PRKN: variants seen among roughly 807,000 people sequenced by gnomAD.
PRKN encodes the protein E3 ubiquitin-protein ligase parkin.
PRKN carries 56 observed loss-of-function variants against 59.5 expected under a neutral mutation model. The ratio of observed to expected loss-of-function variants is 0.94; its 90% CI spans 0.76 to 1.18. The LOEUF (loss-of-function observed/expected upper bound fraction) is 1.18. Ranked by LOEUF, PRKN falls within the 50% of genes most tolerant of loss-of-function variation. PRKN has a pLI of 0.00. For synonymous variants in PRKN, 250 were observed against 222.1 expected, an observed-to-expected ratio of 1.13 and a Z score of -1.12; for missense variants, 657 against 596.4, an observed-to-expected ratio of 1.10 and a Z score of -1.06.
intron 3 of PRKN, among the ~76,000 whole-genome samples, chr6:162,256,690 T>A (rs1779651455): frequency 6.6e-6 from 1 of 152,152 alleles, no homozygotes; most frequent in South Asian, 2.1e-4. Context: ...ATGATTTGCT[T>A]CACTGGCCAT....
Position 161,460,250 on chromosome 6 carries a change from T to G in PRKN, c.1084-73373A>C, listed in dbSNP as rs996252933. Among the ~76,000 whole-genome samples, 1 of 152,214 alleles carries G rather than the reference T, an allele frequency of 6.6e-6. No individual in the cohort carries two copies. Among genetic ancestry groups the G allele is most frequent in the African/African-American group, 2.4e-5 (1 of 41,454 alleles). ...AGGTTGCAACAAAAGATTATTTTAT[T>G]TAATTCTTGTTGATGGGCACCGTGT... is the stretch of plus-strand genomic sequence containing the variant. On this transcript the variant is annotated intron_variant, in intron 9 of 11. Coordinates refer to ENST00000366898, the MANE Select transcript of PRKN (RefSeq NM_004562.3). This position sits in a 1 kb window ranked among gnomAD's most constrained non-coding sequence, Gnocchi z 5.0.
chr6:162,382,477 A>G (rs1786542092), intron 2 of PRKN, among the ~76,000 whole-genome samples: 1 of 152,228 alleles, frequency 6.6e-6, no homozygotes, highest in African/African-American at 2.4e-5. Context: ...TAGTCTATTA[A>G]GCGTATAATA....
chr6:162,628,672 A>T (rs1216359203), intron 1 of PRKN, among the ~76,000 whole-genome samples: 4 of 152,190 alleles, frequency 2.6e-5, no homozygotes, highest in African/African-American at 9.6e-5. Flanking sequence ...GAAAAAAAAT[A>T]TTCAGAGTGC....
intron 2 of PRKN, among the ~76,000 whole-genome samples, chr6:162,417,047 T>A (rs1377832819): frequency 6.6e-6 from 1 of 152,180 alleles, no homozygotes; most frequent in Non-Finnish European, 1.5e-5. Context: ...GAGAGACATG[T>A]GCATAATTTG....
At chr6:162,181,096 C>T (rs906990282) in intron 4 of PRKN, among the ~76,000 whole-genome samples, 1 of 152,198 alleles carries the variant, frequency 6.6e-6, no homozygotes, top group East Asian at 1.9e-4. Context: ...CATAACAATA[C>T]AAGCAAGTGA....
At chr6:161,804,971 GC>G (rs1791245698) in intron 6 of PRKN, among the ~76,000 whole-genome samples, 1 of 152,150 alleles carries the variant, frequency 6.6e-6, no homozygotes, top group Non-Finnish European at 1.5e-5. Flanking sequence ...TAAATAACTT[GC>G]CAAAGGTGAC....
At chr6:162,201,896 G>T (rs1184645321) in intron 3 of PRKN, among the ~76,000 whole-genome samples, 1 of 152,132 alleles carries the variant, frequency 6.6e-6, no homozygotes, top group Non-Finnish European at 1.5e-5. Context: ...ATTTTCAAGA[G>T]TAAAAGGTGA....
At chr6:161,973,208 C>A in intron 6 of PRKN, 94 bp downstream of exon 6, 1 of 847,572 alleles carries the variant, frequency 1.2e-6, no homozygotes, top group Non-Finnish European at 2.0e-6. Context: ...TGTGGCAGAA[C>A]AATATTGGGA....
chr6:161,513,398 G>A (rs1386272673), intron 9 of PRKN, among the ~76,000 whole-genome samples: 4 of 151,898 alleles, frequency 2.6e-5, no homozygotes, highest in African/African-American at 4.8e-5. Flanking sequence ...ATGCCACCAC[G>A]CTTGGCTAAT....
chr6:162,461,499 CAAAAAAAAAA>C (rs780424226), intron 1 of PRKN, among the ~76,000 whole-genome samples: 43 of 36,514 alleles, frequency 1.2e-3, no homozygotes, highest in African/African-American at 2.7e-3. Context: ...TAAAGTGTCT[CAAAAAAAAAA>C]AAAAAAAAAA....
At chr6:162,432,795 G>T (rs932507187) in intron 2 of PRKN, among the ~76,000 whole-genome samples, 34 of 152,106 alleles carry the variant, frequency 2.2e-4, no homozygotes, top group African/African-American at 7.7e-4. Flanking sequence ...AGCGACTCAT[G>T]AATTCTTAGG....
At chr6:162,171,941 C>T (rs1247735420) in intron 4 of PRKN, among the ~76,000 whole-genome samples, 7 of 152,170 alleles carry the variant, frequency 4.6e-5, no homozygotes, top group African/African-American at 9.6e-5. Context: ...GATAGCCTGC[C>T]ACTACATAGC....
intron 6 of PRKN, among the ~76,000 whole-genome samples, chr6:161,830,241 G>T (rs1378801344): frequency 1.3e-4 from 19 of 149,468 alleles, no homozygotes; most frequent in Admixed American, 1.3e-3. Context: ...GGTTACCTTT[G>T]TTTTTTTTGT....
intron 2 of PRKN, among the ~76,000 whole-genome samples, chr6:162,401,288 T>C (rs775640935): frequency 3.3e-5 from 5 of 151,636 alleles, no homozygotes; most frequent in Admixed American, 6.6e-5. Flanking sequence ...AAAAAGCTAG[T>C]TCTTCACTGG....
Position 161,566,188 on chromosome 6 carries a change from T to C in PRKN, c.933+3167A>G, listed in dbSNP as rs1780636152. On this transcript the variant is annotated intron_variant, in intron 8 of 11. Coordinates refer to ENST00000366898, the MANE Select transcript of PRKN (RefSeq NM_004562.3). The surrounding 1 kb of genome is among the most constrained non-coding windows in gnomAD (Gnocchi z 4.1). ...TATGTATTTGCAGTCTCCCACTCTT[T>C]GGTTCACCTCTCACATGAATCCATT... is the stretch of plus-strand genomic sequence containing the variant. 6.6e-6 allele frequency among the ~76,000 whole-genome samples: 1 copy of C among 152,230 alleles called. No homozygotes were observed. The highest frequency in any genetic ancestry group is 2.4e-5 in the African/African-American group (1 of 41,466).
intron 2 of PRKN, among the ~76,000 whole-genome samples, chr6:162,441,946 G>T (rs1790073670): frequency 6.6e-6 from 1 of 152,002 alleles, no homozygotes; most frequent in African/African-American, 2.4e-5. Context: ...TATTTGTGAA[G>T]GAAACATCCT....
intron 2 of PRKN, among the ~76,000 whole-genome samples, chr6:162,344,830 G>C (rs1316197154): frequency 2.0e-5 from 3 of 152,164 alleles, no homozygotes; most frequent in Non-Finnish European, 4.4e-5. Context: ...ACACAAGCAG[G>C]AAAGAAGTGA....
intron 5 of PRKN, 21 bp downstream of exon 5, chr6:162,054,070 T>C (rs1401691234): frequency 1.4e-6 from 2 of 1,472,534 alleles, no homozygotes; most frequent in African/African-American, 1.4e-5. Flanking sequence ...ATAAGAGGAA[T>C]GAATGTGACC....
At chr6:161,524,016 T>G (rs1004344210) in intron 9 of PRKN, among the ~76,000 whole-genome samples, 6 of 152,188 alleles carry the variant, frequency 3.9e-5, no homozygotes, top group Non-Finnish European at 7.4e-5. Context: ...TAAAAAAATT[T>G]TTTTTCCTAT....
Sources: gnomAD v4.1 joint callset for allele counts (sites outside exome capture counted in the v4.1 genomes callset) on GRCh38, gnomAD v4.1.1 for gene constraint, Gnocchi (gnomAD v3.1) non-coding constraint, MANE v1.5 for transcripts, NCBI Gene and HGNC (gene_info 2026-07-23, HGNC 2026-07-21) for gene names.